Variants in ACTR2 observed in about 807,000 individuals in gnomAD.
ACTR2 encodes the protein actin-related protein 2.
Under a neutral mutation model 50.2 loss-of-function variants are expected in ACTR2, and 5 were observed. That is an observed-to-expected ratio of 0.10 (90% CI 0.05 to 0.21). ACTR2 has a LOEUF of 0.21. ACTR2 is among the 10% of genes least tolerant of loss of function. The pLI, the probability that ACTR2 is intolerant of heterozygous loss-of-function variation, is 1.00. For missense variants in ACTR2, 180 were observed against 480.6 expected (o/e 0.37, Z 5.85); for synonymous variants, 140 against 162.9 (o/e 0.86, Z 1.07).
chr2:65,251,163 C>T (rs940900410), intron 4 of ACTR2, 64 bp downstream of exon 4: 3 of 1,224,908 alleles, frequency 2.4e-6, no homozygotes, highest in Non-Finnish European at 3.5e-6. Context: ...TGTTTTATGT[C>T]AGAGAATTTG....
At position 65,265,284 on chromosome 2, in the gene ACTR2, C is replaced by G. The variant is rs1016382406; in HGVS notation, c.1014+109C>G. 4 of 1,221,382 alleles carry G rather than the reference C, an allele frequency of 3.3e-6. No homozygotes were observed. In the African/African-American group the frequency reaches 4.5e-5, roughly 14 times the overall value. 75.7% of individuals were successfully genotyped at this position (1,221,382 alleles called of 1,614,324 possible). On this transcript the variant is annotated intron_variant, in intron 8 of 8. Coordinates refer to ENST00000260641, the MANE Select transcript of ACTR2 (RefSeq NM_005722.4). ...AGCAAGACGTCTTCCAAAACAAATT[C>G]CTACTGCAGTCAAGTGCATCCTGGA... is the stretch of plus-strand genomic sequence containing the variant.
Position 65,255,580 on chromosome 2 carries a change from T to C in ACTR2, c.621T>C (p.Ser207=). 6.2e-7 allele frequency: 1 copy of C among 1,614,056 alleles called. No homozygotes were observed. The change falls in exon 6 of 9, where the codon TCT becomes TCC. Residue 207 remains serine, a synonymous_variant. Transcript: ENST00000260641. ...LLLRGYAFNH[S]ADFETVRMIK... is the part of the protein sequence containing the mutation. ...TGCGAGGATACGCCTTCAACCACTC[T>C]GCTGATTTTGAAACGGTTCGCATGA...
At chr2:65,253,933 A>G in intron 5 of ACTR2, 69 bp downstream of exon 5, 6 of 1,375,078 alleles carry the variant, frequency 4.4e-6, no homozygotes, top group Non-Finnish European at 6.0e-6. Context: ...ACAGAATTGA[A>G]TCTATCGTTT....
intron 6 of ACTR2, among the ~76,000 whole-genome samples, chr2:65,258,935 T>C (rs1222975734): frequency 6.6e-6 from 1 of 151,958 alleles, no homozygotes; most frequent in African/African-American, 2.4e-5. Context: ...AAGGTGGAGG[T>C]GGTTTTTTTA....
chr2:65,230,641 G>A (rs967761085), intron 1 of ACTR2, among the ~76,000 whole-genome samples: 4 of 151,764 alleles, frequency 2.6e-5, no homozygotes, highest in Non-Finnish European at 5.9e-5. Flanking sequence ...GAACTCCTGG[G>A]GTTAAAAGAT....
At position 65,255,634 on chromosome 2, in the gene ACTR2, T is replaced by C; in HGVS notation, c.675T>C (p.Tyr225=). 6.2e-7 allele frequency: 1 copy of C among 1,614,030 alleles called. No homozygotes were observed. Among genetic ancestry groups the C allele is most frequent in the Non-Finnish European group, 8.5e-7 (1 of 1,179,912 alleles). The change falls in exon 6 of 9, where the codon TAT becomes TAC. Residue 225 remains tyrosine (Y), a synonymous_variant. Transcript: ENST00000260641. ...AAGAAAAACTGTGTTACGTGGGATA[T>C]AATATTGAGCAAGAGCAGAAACTGG... ...MIKEKLCYVG[Y]NIEQEQKLAL...
intron 3 of ACTR2, among the ~76,000 whole-genome samples, chr2:65,247,740 G>A (rs977950246): frequency 1.3e-5 from 2 of 152,174 alleles, no homozygotes; most frequent in Non-Finnish European, 2.9e-5. Flanking sequence ...CAGAAGAGGT[G>A]CAAGGGGAGG....
At chr2:65,240,843 T>G (rs1671828617) in intron 2 of ACTR2, among the ~76,000 whole-genome samples, 1 of 152,210 alleles carries the variant, frequency 6.6e-6, no homozygotes, top group African/African-American at 2.4e-5. Flanking sequence ...TATGAGTCAT[T>G]TGAAATATGC....
At chr2:65,235,943 G>T (rs1671731561) in intron 1 of ACTR2, among the ~76,000 whole-genome samples, 1 of 152,212 alleles carries the variant, frequency 6.6e-6, no homozygotes. Context: ...TGAGGTGAAA[G>T]GATAGGAATT....
In ACTR2 at chr2:65,239,897, T is replaced by C; in HGVS notation, c.94T>C (p.Phe32Leu). ...AGGCTCTAACTTTCCAGAACACATC[T>C]TCCCAGCTTTGGTTGGAAGACCTAT... Reference protein sequence around the residue: ...YAGSNFPEHIFPALVGRPIIR... With the variant: ...YAGSNFPEHILPALVGRPIIR... Residue 32 changes from phenylalanine to leucine, a missense_variant, in exon 2 of 9, where the codon TTC becomes CTC. Transcript: ENST00000260641. 1 of 1,613,410 alleles carries C rather than the reference T, an allele frequency of 6.2e-7. No individual in the cohort carries two copies. Among genetic ancestry groups the C allele is most frequent in the Non-Finnish European group, 8.5e-7 (1 of 1,179,526 alleles).
At chr2:65,261,669 G>A (rs268863) in intron 7 of ACTR2, among the ~76,000 whole-genome samples, 129,800 of 152,242 alleles carry the variant, frequency 0.85, 55,464 homozygotes, top group African/African-American at 0.89. Flanking sequence ...AAATGCATCA[G>A]TTCTTTACTA....
intron 2 of ACTR2, among the ~76,000 whole-genome samples, chr2:65,245,692 A>C (rs1024001836): frequency 6.6e-6 from 1 of 152,216 alleles, no homozygotes; most frequent in Non-Finnish European, 1.5e-5. Context: ...CTCTAAAAAT[A>C]AGTCTAAATG....
intron 5 of ACTR2, among the ~76,000 whole-genome samples, chr2:65,254,303 A>G (rs1230662993): frequency 6.6e-6 from 1 of 152,194 alleles, no homozygotes; most frequent in African/African-American, 2.4e-5. Context: ...CCTACAAAAT[A>G]CAGTGATAGC....
At chr2:65,258,774 G>C (rs975540314) in intron 6 of ACTR2, among the ~76,000 whole-genome samples, 1 of 152,106 alleles carries the variant, frequency 6.6e-6, no homozygotes, top group African/African-American at 2.4e-5. Flanking sequence ...AAGGTGATTA[G>C]AAAACTTGAC....
intron 7 of ACTR2, 139 bp from the exon 8 acceptor site, chr2:65,264,904 A>G (rs1479329104): frequency 8.6e-6 from 8 of 933,890 alleles, no homozygotes; most frequent in Non-Finnish European, 1.3e-5. Flanking sequence ...AATAACAGCA[A>G]ATATTCAGCC....
chr2:65,244,941 CA>C (rs35780666), intron 2 of ACTR2, among the ~76,000 whole-genome samples: 17,335 of 76,982 alleles, frequency 0.23, 1,089 homozygotes, highest in Non-Finnish European at 0.32. Context: ...GACCCCATCT[CA>C]AAAAAAAAAA....
intron 6 of ACTR2, among the ~76,000 whole-genome samples, chr2:65,255,982 A>G (rs1047323229): frequency 4.6e-5 from 7 of 152,210 alleles, no homozygotes; most frequent in South Asian, 4.1e-4. Context: ...GCATTTCTCA[A>G]TGTATGTTTT....
intron 1 of ACTR2, among the ~76,000 whole-genome samples, chr2:65,237,425 C>CCG (rs1671760181): frequency 6.6e-6 from 1 of 151,828 alleles, no homozygotes; most frequent in Admixed American, 6.6e-5. Context: ...TAATTTTTTC[C>CCG]GGGGGGGAAT....
At chr2:65,244,304 G>A (rs574287095) in intron 2 of ACTR2, among the ~76,000 whole-genome samples, 136 of 151,954 alleles carry the variant, frequency 9.0e-4, no homozygotes, top group African/African-American at 3.1e-3. Context: ...CTGTTATCTT[G>A]TACAACACAC....
Sources: gnomAD v4.1 joint callset for allele counts (sites outside exome capture counted in the v4.1 genomes callset) on GRCh38, gnomAD v4.1.1 for gene constraint, MANE v1.5 for transcripts, NCBI Gene and HGNC (gene_info 2026-07-23, HGNC 2026-07-21) for gene names.